The following VAPA variants were observed in gnomAD, a reference collection of about 807,000 sequenced individuals.
VAPA encodes vesicle-associated membrane protein-associated protein A.
In VAPA, 6 loss-of-function variants were observed where a neutral mutation model predicts 25.6. The ratio of observed to expected loss-of-function variants is 0.23; its 90% CI spans 0.13 to 0.46. VAPA has a LOEUF of 0.46. Among genes scored for constraint, VAPA ranks in the 20% least tolerant of loss-of-function variants. The pLI is 0.99. For synonymous variants in VAPA, 112 were observed against 106.2 expected (o/e 1.05, Z -0.34); for missense variants, 244 against 302.1 (o/e 0.81, Z 1.43).
intron 1 of VAPA, chr18:9,923,948 C>T: frequency 5.8e-6 from 1 of 171,654 alleles, no homozygotes; most frequent in Non-Finnish European, 1.2e-5. Context: ...TGAACGCGCC[C>T]CATCTCGTCT....
intron 4 of VAPA, among the ~76,000 whole-genome samples, chr18:9,939,234 C>G (rs1052099643): frequency 6.7e-6 from 1 of 150,230 alleles, no homozygotes; most frequent in Non-Finnish European, 1.5e-5. Flanking sequence ...TGCAGTGGCA[C>G]GATCTTGGCT....
At position 9,938,259 on chromosome 18, in the gene VAPA, C is replaced by T. The variant is rs78590877; in HGVS notation, c.417+1193C>T. ...TCATTTTTTACAGTAATTCGGTCAG[C>T]GTAAATCTATCTTCTATCTGGGCTT... On this transcript the variant is annotated intron_variant, in intron 4 of 5. Coordinates refer to ENST00000400000, the MANE Select transcript of VAPA (RefSeq NM_194434.3). 9.0e-3 allele frequency among the ~76,000 whole-genome samples: 1,363 copies of T among 152,248 alleles called. 27 individuals are homozygous for T. In the East Asian group the frequency reaches 0.09, roughly 10 times the overall value.
chr18:9,938,171 G>A (rs1308487088), intron 4 of VAPA, among the ~76,000 whole-genome samples: 1 of 152,086 alleles, frequency 6.6e-6, no homozygotes, highest in Non-Finnish European at 1.5e-5. Flanking sequence ...AAACAAAACA[G>A]CATGTTGTCT....
chr18:9,920,038 A>G (rs1362821502), intron 1 of VAPA, among the ~76,000 whole-genome samples: 3 of 152,140 alleles, frequency 2.0e-5, no homozygotes, highest in Admixed American at 6.5e-5. Context: ...ATTTCTGCTT[A>G]TATAACTGGG....
chr18:9,916,123 A>C (rs2069109948), intron 1 of VAPA, among the ~76,000 whole-genome samples: 1 of 152,234 alleles, frequency 6.6e-6, no homozygotes, highest in Admixed American at 6.5e-5. Flanking sequence ...AAATGTCCAC[A>C]GAGTTTGAAG....
chr18:9,947,291 T>G (rs547068166), intron 4 of VAPA, among the ~76,000 whole-genome samples: 1 of 152,360 alleles, frequency 6.6e-6, no homozygotes, highest in South Asian at 2.1e-4. Flanking sequence ...ATAAATCATA[T>G]GTGCAATACT....
At chr18:9,944,227 T>C (rs2069398109) in intron 4 of VAPA, among the ~76,000 whole-genome samples, 1 of 152,092 alleles carries the variant, frequency 6.6e-6, no homozygotes, top group Non-Finnish European at 1.5e-5. Context: ...AACAGGGATT[T>C]CAGGGGTCTT....
At chr18:9,925,658 C>T (rs1371183360) in intron 1 of VAPA, among the ~76,000 whole-genome samples, 1 of 151,940 alleles carries the variant, frequency 6.6e-6, no homozygotes, top group South Asian at 2.1e-4. Flanking sequence ...AAAAAACATA[C>T]AGTAAGGGTA....
intron 2 of VAPA, among the ~76,000 whole-genome samples, chr18:9,935,068 C>G (rs1431313067): frequency 1.4e-5 from 2 of 139,524 alleles, no homozygotes; most frequent in Non-Finnish European, 3.0e-5. Context: ...GCACTCCAGC[C>G]TGGGCGACAG....
rs920989747 is a variant in VAPA at position 9,955,406 on chromosome 18, A to C, written c.*1195A>C. On this transcript the variant is annotated 3_prime_UTR_variant, in exon 6 of 6. Transcript: ENST00000400000. Reference sequence around the variant, plus strand: ...CACATTTTCAGTATAAGTATGCGTTACAGGGTTTGATACTTTCCTGCACTT... The same window carrying C: ...CACATTTTCAGTATAAGTATGCGTTCCAGGGTTTGATACTTTCCTGCACTT... 1 of 152,222 alleles carries C rather than the reference A, an allele frequency of 6.6e-6. No homozygotes were observed. The highest frequency in any genetic ancestry group is 2.4e-5 in the African/African-American group (1 of 41,468). The allele number at this position is 152,222 out of a possible 1,614,324, so 9.4% of individuals were successfully genotyped here.
intron 1 of VAPA, among the ~76,000 whole-genome samples, chr18:9,927,355 C>T (rs1453520708): frequency 2.6e-5 from 4 of 152,096 alleles, no homozygotes; most frequent in Non-Finnish European, 2.9e-5. Context: ...TCCCCTCCTC[C>T]ACAATTGATT....
In VAPA at chr18:9,957,922, C is replaced by G. The variant is rs1403185677; in HGVS notation, c.*3711C>G. 2 of 152,334 alleles carry G rather than the reference C, an allele frequency of 1.3e-5. No individual in the cohort carries two copies. Among genetic ancestry groups the G allele is most frequent in the East Asian group, 3.9e-4 (2 of 5,186 alleles). The allele number at this position is 152,334 out of a possible 1,614,324, so 9.4% of individuals were successfully genotyped here. A position where few individuals can be genotyped will look rare whatever the true frequency, so the allele number is the denominator to read the frequency against. On this transcript the variant is annotated 3_prime_UTR_variant, in exon 6 of 6. Transcript: ENST00000400000. ...CTTTTGGTAGACTACCACCACGCTT[C>G]TTCGCGTAAGCAGTGGCATCTTGGG...
chr18:9,916,993 T>C (rs925170562), intron 1 of VAPA, among the ~76,000 whole-genome samples: 2 of 152,254 alleles, frequency 1.3e-5, no homozygotes, highest in African/African-American at 2.4e-5. Flanking sequence ...AGACACCAAC[T>C]ATTTCAGTAC....
At chr18:9,915,820 G>A (rs1285641294) in intron 1 of VAPA, 1 of 152,106 alleles carries the variant, frequency 6.6e-6, no homozygotes, top group African/African-American at 2.4e-5. Flanking sequence ...CTACTTGTTG[G>A]GTAAGGATTT....
intron 1 of VAPA, among the ~76,000 whole-genome samples, chr18:9,930,722 AGTTAT>A (rs2069246009): frequency 6.6e-6 from 1 of 151,614 alleles, no homozygotes; most frequent in South Asian, 2.1e-4. Context: ...CAGACCTGTT[AGTTAT>A]ATTAAAATGC....
intron 4 of VAPA, among the ~76,000 whole-genome samples, chr18:9,944,096 G>A (rs747499525): frequency 4.6e-5 from 7 of 151,556 alleles, no homozygotes; most frequent in Admixed American, 1.3e-4. Context: ...TGATCCGCCC[G>A]CCTTGGCCTC....
chr18:9,950,584 T>C lies in VAPA; in HGVS notation c.591+16T>C. On this transcript the variant is annotated intron_variant, in intron 5 of 5. Coordinates refer to ENST00000400000, the MANE Select transcript of VAPA (RefSeq NM_194434.3). ...GCACCTGAGAGTAAGTTCTGTTGGT[T>C]GAAAATAAATTGATTGAAATGAAGG... 1 of 1,604,654 alleles carries C rather than the reference T, an allele frequency of 6.2e-7. No homozygotes were observed. Among genetic ancestry groups the C allele is most frequent in the Non-Finnish European group, 8.5e-7 (1 of 1,177,520 alleles).
intron 3 of VAPA, chr18:9,936,677 G>T: frequency 3.7e-6 from 1 of 272,254 alleles, no homozygotes; most frequent in Non-Finnish European, 6.8e-6. Flanking sequence ...AGCCCAGGAG[G>T]GGCGACTGCA....
At chr18:9,938,555 C>G (rs2069334793) in intron 4 of VAPA, among the ~76,000 whole-genome samples, 1 of 152,150 alleles carries the variant, frequency 6.6e-6, no homozygotes, top group African/African-American at 2.4e-5. Flanking sequence ...AATGGAGTTC[C>G]CAGAATCCCC....
Sources: allele counts gnomAD v4.1 joint callset (sites outside exome capture counted in the v4.1 genomes callset), GRCh38; gene constraint gnomAD v4.1.1; transcripts MANE v1.5; gene names NCBI Gene and HGNC (gene_info 2026-07-23, HGNC 2026-07-21).